The following CCDC60 variants were observed in gnomAD, a reference collection of about 807,000 sequenced individuals.
CCDC60 encodes the protein coiled-coil domain-containing protein 60.
Under a neutral mutation model 63.5 loss-of-function variants are expected in CCDC60, and 54 were observed. The observed-to-expected ratio is 0.85, with a 90% CI of 0.68 to 1.07. The LOEUF is 1.07. Ranked by LOEUF, CCDC60 falls within the 50% of genes least tolerant of loss-of-function variation. CCDC60 has a pLI of 0.00. For synonymous variants in CCDC60, 206 were observed against 238.8 expected, an observed-to-expected ratio of 0.86 and a Z score of 1.27; for missense variants, 651 against 684.3, an observed-to-expected ratio of 0.95 and a Z score of 0.54.
At chr12:119,468,010 C>T (rs2136318889) in intron 2 of CCDC60, among the ~76,000 whole-genome samples, 2 of 152,210 alleles carry the variant, frequency 1.3e-5, no homozygotes, top group South Asian at 4.2e-4. Context: ...CACGGTGGCT[C>T]ATGCCTGTAA....
At chr12:119,460,819 G>A (rs972417771) in intron 2 of CCDC60, among the ~76,000 whole-genome samples, 1 of 152,190 alleles carries the variant, frequency 6.6e-6, no homozygotes, top group African/African-American at 2.4e-5. Flanking sequence ...GAGGAAGAGA[G>A]TATTTGCTCA....
At chr12:119,526,524 G>T (rs889657442) in intron 11 of CCDC60, among the ~76,000 whole-genome samples, 18 of 152,160 alleles carry the variant, frequency 1.2e-4, no homozygotes, top group African/African-American at 3.9e-4. Context: ...TCTGACAAAG[G>T]TCTAATATCC....
intron 6 of CCDC60, among the ~76,000 whole-genome samples, chr12:119,502,240 T>C (rs1951871857): frequency 6.6e-6 from 1 of 152,202 alleles, no homozygotes. Context: ...CTTATCATTT[T>C]CAAAAGAAAC....
At chr12:119,475,049 C>G (rs560119063) in intron 3 of CCDC60, among the ~76,000 whole-genome samples, 30 of 152,208 alleles carry the variant, frequency 2.0e-4, no homozygotes, top group Admixed American at 3.9e-4. Flanking sequence ...GTTGGGATCC[C>G]AGAATATTGT....
At chr12:119,527,331 G>A (rs530036541) in intron 11 of CCDC60, among the ~76,000 whole-genome samples, 1 of 152,126 alleles carries the variant, frequency 6.6e-6, no homozygotes, top group Non-Finnish European at 1.5e-5. Flanking sequence ...TAATACCTGG[G>A]TGATGTAGTA....
At chr12:119,437,693 C>T (rs533081675) in intron 2 of CCDC60, among the ~76,000 whole-genome samples, 1 of 152,292 alleles carries the variant, frequency 6.6e-6, no homozygotes, top group African/African-American at 2.4e-5. Context: ...TGCGCACATC[C>T]ATAGCCAGTA....
intron 1 of CCDC60, among the ~76,000 whole-genome samples, chr12:119,394,082 A>G (rs911918578): frequency 3.3e-5 from 5 of 152,242 alleles, no homozygotes; most frequent in Non-Finnish European, 7.3e-5. Flanking sequence ...AAAAAATGAC[A>G]GATTCCATTT....
intron 4 of CCDC60, among the ~76,000 whole-genome samples, chr12:119,487,407 C>T (rs945988218): frequency 2.6e-5 from 4 of 151,930 alleles, no homozygotes; most frequent in Non-Finnish European, 5.9e-5. Context: ...AAGCAATTCT[C>T]CTGCCTTAGC....
At chr12:119,469,204 C>A (rs1951009855) in intron 2 of CCDC60, among the ~76,000 whole-genome samples, 1 of 152,136 alleles carries the variant, frequency 6.6e-6, no homozygotes, top group African/African-American at 2.4e-5. Context: ...TTCTTCCCAG[C>A]TGCAGACCCA....
intron 7 of CCDC60, among the ~76,000 whole-genome samples, chr12:119,516,157 G>A (rs1409107914): frequency 6.6e-6 from 1 of 152,160 alleles, no homozygotes; most frequent in Non-Finnish European, 1.5e-5. Flanking sequence ...CCAGGCTGGA[G>A]TGCAGTGGCA....
At chr12:119,465,138 C>T (rs1291247761) in intron 2 of CCDC60, among the ~76,000 whole-genome samples, 4 of 151,656 alleles carry the variant, frequency 2.6e-5, no homozygotes, top group Non-Finnish European at 5.9e-5. Flanking sequence ...GGTGAAACCC[C>T]GTCTCTACTA....
intron 1 of CCDC60, among the ~76,000 whole-genome samples, chr12:119,399,482 G>A (rs1008847098): frequency 2.0e-5 from 3 of 152,190 alleles, no homozygotes; most frequent in African/African-American, 7.2e-5. Flanking sequence ...CTTTGAGCCT[G>A]ACATGCGGAG....
chr12:119,521,465 T>A (rs1464459775), intron 9 of CCDC60, among the ~76,000 whole-genome samples: 1 of 152,026 alleles, frequency 6.6e-6, no homozygotes, highest in Non-Finnish European at 1.5e-5. Flanking sequence ...CAACACTGAG[T>A]CTGATGTTTA....
chr12:119,442,426 C>T (rs1950465690), intron 2 of CCDC60, among the ~76,000 whole-genome samples: 2 of 152,180 alleles, frequency 1.3e-5, no homozygotes, highest in South Asian at 2.1e-4. Flanking sequence ...CCAGCCTGGG[C>T]AACATGGCGA....
chr12:119,522,276 G>A (rs1422270307), intron 9 of CCDC60, among the ~76,000 whole-genome samples: 2 of 152,174 alleles, frequency 1.3e-5, no homozygotes, highest in Non-Finnish European at 1.5e-5. Flanking sequence ...CATGAAGGGG[G>A]TGGTGGGCAG....
chr12:119,462,097 G>A (rs538137525), intron 2 of CCDC60, among the ~76,000 whole-genome samples: 1 of 152,162 alleles, frequency 6.6e-6, no homozygotes, highest in African/African-American at 2.4e-5. Context: ...TGCCTGAAGA[G>A]GGGCTGAAAT....
intron 1 of CCDC60, among the ~76,000 whole-genome samples, chr12:119,379,190 A>G (rs946110610): frequency 4.6e-5 from 7 of 152,268 alleles, no homozygotes; most frequent in African/African-American, 1.7e-4. Context: ...ACAGATCATG[A>G]AACACATATG....
intron 1 of CCDC60, among the ~76,000 whole-genome samples, chr12:119,340,355 T>G (rs1955519328): frequency 1.3e-5 from 2 of 152,186 alleles, no homozygotes. Context: ...TTTCAACAAC[T>G]CCATAATAGA....
At chr12:119,539,341 A>G (rs1431418010) in intron 13 of CCDC60, among the ~76,000 whole-genome samples, 1 of 152,208 alleles carries the variant, frequency 6.6e-6, no homozygotes, top group Non-Finnish European at 1.5e-5. Flanking sequence ...AGTTTTATCT[A>G]TAAGTCCCTG....
Sources: allele counts gnomAD v4.1 joint callset (sites outside exome capture counted in the v4.1 genomes callset), GRCh38; gene constraint gnomAD v4.1.1; transcripts MANE v1.5; gene names NCBI Gene and HGNC (gene_info 2026-07-23, HGNC 2026-07-21).